The following CDKN2B-AS1 variants were observed in gnomAD, a reference collection of about 807,000 sequenced individuals.
The protein encoded by CDKN2B-AS1 is CDKN2B antisense RNA 1 (non-protein coding).
In CDKN2B-AS1 at chr9:22,015,120, T is replaced by G. The variant is rs867268419; in HGVS notation, n.29+19959T>G. On this transcript the variant is annotated intron_variant and non_coding_transcript_variant, in intron 1 of 4. Coordinates refer to ENST00000650946, the Ensembl canonical transcript of CDKN2B-AS1. The stretch of plus-strand genomic sequence containing the variant: ...CATGATTTATAATCCTTTGGGTATA[T>G]ACCCAGTAATGGGATGGCTGGGTCA... 2.8e-4 allele frequency among the ~76,000 whole-genome samples: 43 copies of G among 152,180 alleles called. 1 individual carries two copies. The highest frequency in any genetic ancestry group is 6.8e-3 in the Middle Eastern group (2 of 294).
chr9:22,101,063 A>T (rs1453195994), intron 4 of CDKN2B-AS1, among the ~76,000 whole-genome samples: 1 of 152,194 alleles, frequency 6.6e-6, no homozygotes, highest in Non-Finnish European at 1.5e-5. Flanking sequence ...ACTGAGGATA[A>T]TGATCCACCA....
rs1281462590 is a variant in CDKN2B-AS1 at position 21,995,659 on chromosome 9, GAAGGAGCGGCAGA to G, written n.29+505_29+517del. 1 of 152,842 alleles carries G rather than the reference GAAGGAGCGGCAGA, an allele frequency of 6.5e-6. No homozygotes were observed. Among genetic ancestry groups the G allele is most frequent in the Non-Finnish European group, 1.5e-5 (1 of 68,506 alleles). 9.5% of individuals were successfully genotyped at this position (152,842 alleles called of 1,614,324 possible). On this transcript the variant is annotated intron_variant and non_coding_transcript_variant, in intron 1 of 4. Transcript: ENST00000650946. This position sits in a 1 kb window ranked among gnomAD's most constrained non-coding sequence, Gnocchi z 5.7. ...AACAGTAAAAGCAGGGCAAGGAAAG[GAAGGAGCGGCAGA>G]AAGGAGGGGTGAGTCGAGGACACAG...
chr9:22,090,154 A>G (rs1187876764), intron 4 of CDKN2B-AS1, among the ~76,000 whole-genome samples: 1 of 152,120 alleles, frequency 6.6e-6, no homozygotes, highest in Non-Finnish European at 1.5e-5. Context: ...AAAGGACATG[A>G]ACTCATCCTT....
intron 1 of CDKN2B-AS1, among the ~76,000 whole-genome samples, chr9:22,026,002 C>G (rs1360574588): frequency 6.6e-6 from 1 of 151,996 alleles, no homozygotes; most frequent in East Asian, 1.9e-4. Context: ...TCTGAAACCT[C>G]TCTCAGTCAG....
intron 1 of CDKN2B-AS1, chr9:22,008,941 TCTC>T: frequency 6.2e-7 from 1 of 1,612,992 alleles, no homozygotes; most frequent in Non-Finnish European, 8.5e-7. Context: ...ATGCCCTTGT[TCTC>T]CTCGCGCATT....
intron 4 of CDKN2B-AS1, among the ~76,000 whole-genome samples, chr9:22,068,769 T>C (rs1266248547): frequency 6.6e-6 from 1 of 152,226 alleles, no homozygotes; most frequent in African/African-American, 2.4e-5. Flanking sequence ...AAATGAAACA[T>C]AATCAAGCTT....
intron 1 of CDKN2B-AS1, among the ~76,000 whole-genome samples, chr9:22,034,255 A>C (rs1271146163): frequency 6.6e-6 from 1 of 152,126 alleles, no homozygotes; most frequent in African/African-American, 2.4e-5. Context: ...AGACTTGCCT[A>C]AACTAATTAA....
At chr9:22,057,816 A>T (rs1314051772) in intron 4 of CDKN2B-AS1, among the ~76,000 whole-genome samples, 1 of 151,960 alleles carries the variant, frequency 6.6e-6, no homozygotes, top group African/African-American at 2.4e-5. Flanking sequence ...TGAGAAAAAA[A>T]AAAGCAACCC....
At chr9:22,017,702 ATTAAG>A (rs1445203912) in intron 1 of CDKN2B-AS1, among the ~76,000 whole-genome samples, 1 of 152,242 alleles carries the variant, frequency 6.6e-6, no homozygotes, top group Non-Finnish European at 1.5e-5. Flanking sequence ...TATTGAAGTT[ATTAAG>A]TTAATGAATT....
At chr9:22,102,237 C>G (rs886078865) in intron 4 of CDKN2B-AS1, among the ~76,000 whole-genome samples, 4 of 152,028 alleles carry the variant, frequency 2.6e-5, no homozygotes, top group African/African-American at 4.8e-5. Context: ...GTTTTTTTCC[C>G]CGGCTTTGAA....
At chr9:22,068,624 T>C (rs181816957) in intron 4 of CDKN2B-AS1, among the ~76,000 whole-genome samples, 4 of 152,194 alleles carry the variant, frequency 2.6e-5, no homozygotes, top group Non-Finnish European at 5.9e-5. Context: ...TGACGTAGTG[T>C]GTGGTCTTTA....
At chr9:22,061,273 G>A (rs779440653) in intron 4 of CDKN2B-AS1, among the ~76,000 whole-genome samples, 1 of 152,118 alleles carries the variant, frequency 6.6e-6, no homozygotes, top group Non-Finnish European at 1.5e-5. Context: ...CAACAATCCA[G>A]GAATCTGATG....
rs1563908310 is a variant in CDKN2B-AS1, at chr9:21,999,280, A to T, written n.29+4119A>T. Among the ~76,000 whole-genome samples, 1 of 151,744 alleles carries T rather than the reference A, an allele frequency of 6.6e-6. No homozygotes were observed. The highest frequency in any genetic ancestry group is 6.6e-5 in the Admixed American group (1 of 15,224). ...ATGTAAAGACACACACAAATAATGT[A>T]TGGAAATATATATACACATATATAC... On this transcript the variant is annotated intron_variant and non_coding_transcript_variant, in intron 1 of 4. Transcript: ENST00000650946. The surrounding 1 kb of genome is among the most constrained non-coding windows in gnomAD (Gnocchi z 4.7).
rs1212341073 is a variant in CDKN2B-AS1, at chr9:22,000,931, T to C, written n.29+5770T>C. On this transcript the variant is annotated intron_variant and non_coding_transcript_variant, in intron 1 of 4. Coordinates refer to ENST00000650946, the Ensembl canonical transcript of CDKN2B-AS1. The surrounding 1 kb of genome is among the most constrained non-coding windows in gnomAD (Gnocchi z 4.1). ...ACTCATTCTTGGTCCTGACTCCTAC[T>C]CTGTTATCCATAGCTCAGTACCTAG... Among the ~76,000 whole-genome samples the C allele has an allele frequency of 6.6e-6, 1 of 152,094 alleles. No homozygotes were observed. The highest frequency in any genetic ancestry group is 1.5e-5 in the Non-Finnish European group (1 of 67,998).
intron 4 of CDKN2B-AS1, among the ~76,000 whole-genome samples, chr9:22,104,910 A>G (rs1179994501): frequency 6.6e-6 from 1 of 152,244 alleles, no homozygotes; most frequent in Non-Finnish European, 1.5e-5. Flanking sequence ...GCTAGGAGCT[A>G]TAAATTAATC....
In CDKN2B-AS1 at chr9:22,070,976, C is replaced by T. The variant is rs143077035; in HGVS notation, n.438+14589C>T. Among the ~76,000 whole-genome samples, 934 of 152,100 alleles carry T rather than the reference C, an allele frequency of 6.1e-3. 11 individuals carry two copies. The highest frequency in any genetic ancestry group is 0.022 in the African/African-American group (895 of 41,508). On this transcript the variant is annotated intron_variant and non_coding_transcript_variant, in intron 4 of 4. Coordinates refer to ENST00000650946, the Ensembl canonical transcript of CDKN2B-AS1. ...ATACATGGGCCTTGGAAGCAAGGTA[C>T]AGGGACACAGTGGACCAATGGGGGA... is the stretch of plus-strand genomic sequence containing the variant.
At chr9:22,020,368 T>C (rs1821965445) in intron 1 of CDKN2B-AS1, among the ~76,000 whole-genome samples, 1 of 152,238 alleles carries the variant, frequency 6.6e-6, no homozygotes, top group African/African-American at 2.4e-5. Flanking sequence ...AATAGAATGA[T>C]TTATATTCCT....
chr9:22,119,168 C>T (rs1826036652), intron 4 of CDKN2B-AS1: 1 of 151,478 alleles, frequency 6.6e-6, no homozygotes, highest in Admixed American at 6.6e-5. Flanking sequence ...TTGTGAGGCC[C>T]AAGTGCAATA....
intron 4 of CDKN2B-AS1, among the ~76,000 whole-genome samples, chr9:22,074,537 A>T (rs543126358): frequency 6.6e-6 from 1 of 152,308 alleles, no homozygotes. Flanking sequence ...CAGACTTCAC[A>T]TATTTGTTTC....
Sources: allele counts gnomAD v4.1 joint callset (sites outside exome capture counted in the v4.1 genomes callset), GRCh38; gene constraint gnomAD v4.1.1; non-coding constraint Gnocchi (gnomAD v3.1); transcripts MANE v1.5; gene names NCBI Gene and HGNC (gene_info 2026-07-23, HGNC 2026-07-21).